Variants in PCDHGA9 observed in about 807,000 individuals in gnomAD.
The protein encoded by PCDHGA9 is protocadherin gamma subfamily A, 9, also known as protocadherin gamma-A9.
In PCDHGA9, 37 loss-of-function variants were observed where a neutral mutation model predicts 62.5. The ratio of observed to expected loss-of-function variants is 0.59; its 90% confidence interval spans 0.46 to 0.78. The LOEUF (loss-of-function observed/expected upper bound fraction) is 0.78, where lower values mean the gene tolerates loss of function less well. PCDHGA9 is among the 30% of genes least tolerant of loss of function. PCDHGA9 has a pLI of 0.00. For synonymous variants in PCDHGA9, 459 were observed against 484.6 expected, an observed-to-expected ratio of 0.95 and a Z score of 0.69; for missense variants, 1,138 against 1,166.2, an observed-to-expected ratio of 0.98 and a Z score of 0.35.
At position 141,511,855 on chromosome 5, in the gene PCDHGA9, ATTGT is replaced by A. The variant is rs2099883980; in HGVS notation, c.*686_*689del. ...GGACCAGTCTTCTGTTTTGTTTTTCATTGTTTGACGTTTCCACTGCATGCCTTGA... is the reference window on the plus strand; with the variant it reads ...GGACCAGTCTTCTGTTTTGTTTTTCATTGACGTTTCCACTGCATGCCTTGA... On this transcript the variant is annotated 3_prime_UTR_variant, in exon 4 of 4. Coordinates refer to ENST00000573521, the MANE Select transcript of PCDHGA9 (RefSeq NM_018921.3). 1 of 156,316 alleles carries A rather than the reference ATTGT, an allele frequency of 6.4e-6. No individual in the cohort carries two copies. Among genetic ancestry groups the A allele is most frequent in the South Asian group, 2.0e-4 (1 of 5,082 alleles). The allele number at this position is 156,316 out of a possible 1,614,324, so 9.7% of individuals were successfully genotyped here.
intron 1 of PCDHGA9, among the ~76,000 whole-genome samples, chr5:141,488,741 C>A (rs2099678972): frequency 1.3e-5 from 2 of 152,310 alleles, no homozygotes; most frequent in South Asian, 4.1e-4. Context: ...TGAAGTCATG[C>A]AGGAAGTTGC....
In PCDHGA9 at chr5:141,485,441, A is replaced by G. The variant is rs1562105312; in HGVS notation, c.2425-9366A>G. ...CGGAGCCCTGCTCATCAAGAACCCA[A>G]TCGACCGAGAGGCACTGTGTGGGCT... On this transcript the variant is annotated intron_variant, in intron 1 of 3. Transcript: ENST00000573521. The surrounding 1 kb of genome is among the most constrained non-coding windows in gnomAD (Gnocchi z 5.7). 3 of 1,613,910 alleles carry G rather than the reference A, an allele frequency of 1.9e-6. No homozygotes were observed. Among genetic ancestry groups the G allele is most frequent in the South Asian group, 1.1e-5 (1 of 91,062 alleles).
At chr5:141,439,934 G>T (rs1477526863) in intron 1 of PCDHGA9, 2 of 152,382 alleles carry the variant, frequency 1.3e-5, no homozygotes, top group Admixed American at 1.3e-4. Context: ...ATCCTGCTGG[G>T]CATTCTCTAT....
At chr5:141,472,786 G>A (rs549389294) in intron 1 of PCDHGA9, among the ~76,000 whole-genome samples, 1 of 151,888 alleles carries the variant, frequency 6.6e-6, no homozygotes, top group Non-Finnish European at 1.5e-5. Flanking sequence ...GGGAGTTCAA[G>A]ATCAGCCTGA....
chr5:141,460,614 G>A (rs10058360), intron 1 of PCDHGA9, among the ~76,000 whole-genome samples: 42,418 of 151,914 alleles, frequency 0.28, 6,648 homozygotes, highest in African/African-American at 0.43. Flanking sequence ...TAGATGGATA[G>A]ATAGACAGAT....
chr5:141,427,547 T>C (rs747558888), intron 1 of PCDHGA9: 1 of 640,310 alleles, frequency 1.6e-6, no homozygotes, highest in South Asian at 1.5e-5. Flanking sequence ...TCACCATCAC[T>C]GCCACTGACA....
chr5:141,415,853 G>GTAGTT, intron 1 of PCDHGA9: 1 of 1,186,350 alleles, frequency 8.4e-7, no homozygotes, highest in Non-Finnish European at 1.1e-6. Context: ...GCAGAACCTT[G>GTAGTT]TAGTTTATAG....
chr5:141,473,756 A>G (rs2099328139), intron 1 of PCDHGA9, among the ~76,000 whole-genome samples: 1 of 152,228 alleles, frequency 6.6e-6, no homozygotes, highest in African/African-American at 2.4e-5. Context: ...CTTGGATACT[A>G]TGCAAAGGAT....
At chr5:141,465,284 A>C (rs2099100147) in intron 1 of PCDHGA9, among the ~76,000 whole-genome samples, 1 of 152,176 alleles carries the variant, frequency 6.6e-6, no homozygotes, top group African/African-American at 2.4e-5. Flanking sequence ...TTCACCCCTA[A>C]AGAACTGAGA....
rs141095222 is a variant in PCDHGA9, at chr5:141,496,668, C to T, written c.2483+1803C>T. Reference sequence around the variant, plus strand: ...CCCTTCCTTTGACCCCAGCTGTTGTCCTTCTCCCTGCTGGCCTTGCCAACC... The same window carrying T: ...CCCTTCCTTTGACCCCAGCTGTTGTTCTTCTCCCTGCTGGCCTTGCCAACC... On this transcript the variant is annotated intron_variant, in intron 2 of 3. Coordinates refer to ENST00000573521, the MANE Select transcript of PCDHGA9 (RefSeq NM_018921.3). Among the ~76,000 whole-genome samples the T allele has an allele frequency of 1.3e-3, 204 of 152,328 alleles. 1 individual carries two copies. The highest frequency in any genetic ancestry group is 5.6e-3 in the Admixed American group (85 of 15,298).
rs776423830 is a variant in PCDHGA9, at chr5:141,404,996, G to C, written c.2044G>C (p.Ala682Pro). 1 of 1,613,974 alleles carries C rather than the reference G, an allele frequency of 6.2e-7. No individual in the cohort carries two copies. Among genetic ancestry groups the C allele is most frequent in the South Asian group, 1.1e-5 (1 of 91,084 alleles). ...LADLGSLQIP[A>P]DLEASDLTLY... Reference sequence around the variant, plus strand: ...TGACCTGGGCAGTCTTCAGATCCCTGCAGACCTGGAGGCCTCAGACCTTAC... The same window carrying C: ...TGACCTGGGCAGTCTTCAGATCCCTCCAGACCTGGAGGCCTCAGACCTTAC... The change falls in exon 1 of 4, where the codon GCA (alanine) becomes CCA (proline). Residue 682 changes from alanine (A) to proline (P), a missense_variant. Coordinates refer to ENST00000573521, the MANE Select transcript of PCDHGA9 (RefSeq NM_018921.3).
chr5:141,493,338 A>G lies in PCDHGA9; in HGVS notation c.2425-1469A>G, dbSNP rs773870729. Among the ~76,000 whole-genome samples the G allele has an allele frequency of 6.6e-6, 1 of 152,162 alleles. No individual in the cohort carries two copies. The highest frequency in any genetic ancestry group is 1.5e-5 in the Non-Finnish European group (1 of 68,028). On this transcript the variant is annotated intron_variant, in intron 1 of 3. Transcript: ENST00000573521. This position sits in a 1 kb window ranked among gnomAD's most constrained non-coding sequence, Gnocchi z 4.3. ...GATTCTAACCCCTGTCTAACTCCAG[A>G]ATGTGTGCTTTTAATTTCTTGGCAC...
chr5:141,421,787 C>T (rs753196648), intron 1 of PCDHGA9: 8 of 1,613,694 alleles, frequency 5.0e-6, no homozygotes, highest in East Asian at 2.2e-5. Context: ...CGGGGCAGAA[C>T]GGATGGGGCC....
intron 1 of PCDHGA9, among the ~76,000 whole-genome samples, chr5:141,464,966 T>C (rs192224238): frequency 1.2e-3 from 178 of 152,274 alleles, no homozygotes; most frequent in Middle Eastern, 3.4e-3. Flanking sequence ...TGTCTTGAAC[T>C]ACTGGCTTCA....
chr5:141,477,393 G>C lies in PCDHGA9; in HGVS notation c.2425-17414G>C. ...GAGACTGTGCCAGAATACAACCTCA[G>C]CATCACCGCCCGAGACGCCGGAACC... On this transcript the variant is annotated intron_variant, in intron 1 of 3. Coordinates refer to ENST00000573521, the MANE Select transcript of PCDHGA9 (RefSeq NM_018921.3). The surrounding 1 kb of genome is among the most constrained non-coding windows in gnomAD (Gnocchi z 4.9). The C allele has an allele frequency of 6.2e-7, 1 of 1,614,098 alleles. No individual in the cohort carries two copies. The highest frequency in any genetic ancestry group is 8.5e-7 in the Non-Finnish European group (1 of 1,180,028).
At chr5:141,417,052 CTT>C (rs1308339867) in intron 1 of PCDHGA9, 2 of 151,464 alleles carry the variant, frequency 1.3e-5, no homozygotes, top group African/African-American at 4.9e-5. Context: ...AAAAACTGCT[CTT>C]GACATTGTAG....
At chr5:141,405,448 C>G in intron 1 of PCDHGA9, 72 bp downstream of exon 1, 1 of 1,314,742 alleles carries the variant, frequency 7.6e-7, no homozygotes, top group Non-Finnish European at 1.1e-6. Context: ...GAGACAGAGT[C>G]TTACTCTGTT....
rs376819906 is a variant in PCDHGA9 at position 141,418,227 on chromosome 5, T to C, written c.2424+12851T>C. On this transcript the variant is annotated intron_variant, in intron 1 of 3. Transcript: ENST00000573521. ...AATATTTTTCATGTCATTGTGGTGA[T>C]TGAGGATGTTAATGACCACGCCCCT... The C allele has an allele frequency of 6.8e-6, 11 of 1,613,856 alleles. No homozygotes were observed. In the South Asian group the frequency reaches 7.7e-5, roughly 11 times the overall value.
rs758139838 is a variant in PCDHGA9, at chr5:141,431,419, G to C, written c.2424+26043G>C. The C allele has an allele frequency of 1.5e-5, 25 of 1,613,700 alleles. No individual in the cohort carries two copies. The highest frequency in any genetic ancestry group is 2.0e-5 in the Non-Finnish European group (24 of 1,180,046). On this transcript the variant is annotated intron_variant, in intron 1 of 3. Coordinates refer to ENST00000573521, the MANE Select transcript of PCDHGA9 (RefSeq NM_018921.3). This position sits in a 1 kb window ranked among gnomAD's most constrained non-coding sequence, Gnocchi z 4.8. ...TTACGGCCTCCGACGGGGGCGACCC[G>C]GTGCGCACAGGCACCGCGCGCATCC... is the stretch of plus-strand genomic sequence containing the variant.
Sources: allele counts gnomAD v4.1 joint callset (sites outside exome capture counted in the v4.1 genomes callset), GRCh38; gene constraint gnomAD v4.1.1; non-coding constraint Gnocchi (gnomAD v3.1); transcripts MANE v1.5; gene names NCBI Gene and HGNC (gene_info 2026-07-23, HGNC 2026-07-21).